Variants in METTL9 observed in about 807,000 individuals in gnomAD.
METTL9 encodes the protein methyltransferase 9, His-X-His N1(pi)-histidine, also known as protein-L-histidine N-pros-methyltransferase.
In METTL9, 10 loss-of-function variants were observed where a neutral mutation model predicts 36.0. The observed-to-expected ratio is 0.28, with a 90% CI of 0.17 to 0.47. The LOEUF (loss-of-function observed/expected upper bound fraction) is 0.47, where lower values mean the gene tolerates loss of function less well. Among genes scored for constraint, METTL9 ranks in the 20% least tolerant of loss-of-function variants. The probability of loss-of-function intolerance (pLI) is 0.99; values close to 1 mark genes in which losing one functional copy is unlikely to be tolerated. For synonymous variants in METTL9, 175 were observed against 149.7 expected (o/e 1.17, Z -1.23); for missense variants, 246 against 383.5 (o/e 0.64, Z 3.00).
At chr16:21,606,425 G>T (rs1216024701) in intron 1 of METTL9, among the ~76,000 whole-genome samples, 2 of 152,076 alleles carry the variant, frequency 1.3e-5, no homozygotes, top group Admixed American at 1.3e-4. Context: ...TGGAAGAGGT[G>T]CATAGGGTGA....
At chr16:21,634,157 C>T (rs929904293) in intron 4 of METTL9, among the ~76,000 whole-genome samples, 9 of 152,100 alleles carry the variant, frequency 5.9e-5, no homozygotes, top group Admixed American at 1.3e-4. Flanking sequence ...CGGATGGTAA[C>T]GGACCTTGAG....
At chr16:21,643,414 C>G (rs1427150209) in intron 4 of METTL9, 1 of 643,234 alleles carries the variant, frequency 1.6e-6, no homozygotes, top group African/African-American at 1.8e-5. Flanking sequence ...GAAATAGTGT[C>G]TGCAGTTGAA....
At position 21,624,941 on chromosome 16, in the gene METTL9, A is replaced by T; in HGVS notation, c.577A>T (p.Ile193Leu). ...TTCTGATTTTTCTAGAGTCCTTGGT[A>T]TAAATGAATGGCAGAATACGGGGTT... The part of the protein sequence containing the change: ...LQKKKYRVLG[I>L]NEWQNTGFQY... The change falls in exon 4 of 5, where the codon ATA (isoleucine) becomes TTA (leucine). Residue 193 changes from isoleucine to leucine, a missense_variant. Physicochemically the swap from Ile to Leu is conservative, Grantham distance 5 (BLOSUM62 2). Around this residue, in one of 2 missense-constraint regions of METTL9, gnomAD observed 146 missense variants for 302.1 expected, o/e 0.48. Coordinates refer to ENST00000358154, the MANE Select transcript of METTL9 (RefSeq NM_016025.5). 1 of 1,614,014 alleles carries T rather than the reference A, an allele frequency of 6.2e-7. No individual in the cohort carries two copies. Among genetic ancestry groups the T allele is most frequent in the East Asian group, 2.2e-5 (1 of 44,886 alleles).
At position 21,617,973 on chromosome 16, in the gene METTL9, A is replaced by G; in HGVS notation, c.465A>G (p.Gly155=). Residue 155 remains glycine, a synonymous_variant, in exon 3 of 5, where the codon GGA becomes GGG. Transcript: ENST00000358154. ...ACAGACTTCTTGATTTAGGTGCTGGAGATGGAGAAGTCACAAAAATCATGA... is the reference window on the plus strand; with the variant it reads ...ACAGACTTCTTGATTTAGGTGCTGGGGATGGAGAAGTCACAAAAATCATGA... The part of the protein sequence containing the change: ...KTHRLLDLGA[G]DGEVTKIMSP... The G allele has an allele frequency of 1.2e-6, 2 of 1,613,752 alleles. No individual in the cohort carries two copies. The highest frequency in any genetic ancestry group is 1.1e-5 in the South Asian group (1 of 90,974).
At chr16:21,610,176 A>T (rs2152893411) in intron 1 of METTL9, among the ~76,000 whole-genome samples, 1 of 152,306 alleles carries the variant, frequency 6.6e-6, no homozygotes, top group Non-Finnish European at 1.5e-5. Flanking sequence ...CCTGGCAGCC[A>T]CAATCTACTA....
intron 4 of METTL9, chr16:21,626,722 G>C (rs3826158): frequency 0.059 from 9,010 of 153,130 alleles, 542 homozygotes; most frequent in East Asian, 0.29. Flanking sequence ...TCTTACTTCA[G>C]TGCTACTCCT....
chr16:21,608,456 G>A (rs559783999), intron 1 of METTL9, among the ~76,000 whole-genome samples: 4 of 152,242 alleles, frequency 2.6e-5, no homozygotes, highest in Non-Finnish European at 5.9e-5. Flanking sequence ...AGTTCTCTGA[G>A]GCCAGCGAGT....
At chr16:21,643,217 T>A in intron 4 of METTL9, 2 of 1,264,368 alleles carry the variant, frequency 1.6e-6, no homozygotes. Flanking sequence ...TAACGACGCA[T>A]CATCAGAACT....
upstream of METTL9, chr16:21,597,247 GCTT>G (rs1267441273): frequency 1.6e-6 from 2 of 1,288,376 alleles, no homozygotes; most frequent in East Asian, 1.1e-4. Flanking sequence ...AGACAGCAAA[GCTT>G]CTTAGATGGA....
At chr16:21,650,272 C>T (rs916251651) in intron 4 of METTL9, among the ~76,000 whole-genome samples, 6 of 152,064 alleles carry the variant, frequency 3.9e-5, no homozygotes, top group East Asian at 3.9e-4. Flanking sequence ...TTTGGGATGC[C>T]GAGGCGGGCA....
upstream of METTL9, chr16:21,597,449 T>C (rs983307036): frequency 4.3e-6 from 2 of 464,766 alleles, no homozygotes; most frequent in Non-Finnish European, 7.3e-6. Flanking sequence ...GAGTGATTTA[T>C]TTTTCTAGGC....
At chr16:21,606,624 A>G (rs1965295419) in intron 1 of METTL9, among the ~76,000 whole-genome samples, 2 of 152,054 alleles carry the variant, frequency 1.3e-5, no homozygotes, top group Admixed American at 1.3e-4. Flanking sequence ...GAAAGTTTGA[A>G]CCTTATACCC....
rs949270934 is a variant in METTL9 at position 21,657,240 on chromosome 16, T to G, written c.*1808T>G. 8.5e-5 allele frequency: 13 copies of G among 152,098 alleles called. No individual in the cohort carries two copies. Among genetic ancestry groups the G allele is most frequent in the Non-Finnish European group, 1.8e-4 (12 of 68,012 alleles). The allele number at this position is 152,098 out of a possible 1,614,324, so 9.4% of individuals were successfully genotyped here. A position where few individuals can be genotyped will look rare whatever the true frequency, so the allele number is the denominator to read the frequency against. ...TGCATTTTAAAGATAAAAAGTAGTT[T>G]CTCAAAAAAATCTGAAGTTCTCTGA... On this transcript the variant is annotated 3_prime_UTR_variant, in exon 5 of 5. Transcript: ENST00000358154.
At chr16:21,644,456 T>C (rs1212963286) in intron 4 of METTL9, 10 of 1,195,102 alleles carry the variant, frequency 8.4e-6, no homozygotes, top group Non-Finnish European at 1.2e-5. Flanking sequence ...TTCAAATACA[T>C]GTGTAAAGTA....
At chr16:21,641,820 C>T (rs1276847460) in intron 4 of METTL9, among the ~76,000 whole-genome samples, 1 of 151,944 alleles carries the variant, frequency 6.6e-6, no homozygotes, top group Non-Finnish European at 1.5e-5. Context: ...AAAATCGTGG[C>T]TGGGAGCTTT....
chr16:21,613,791 C>G (rs1416357861), intron 2 of METTL9, among the ~76,000 whole-genome samples: 1 of 150,836 alleles, frequency 6.6e-6, no homozygotes, highest in African/African-American at 2.4e-5. Context: ...CAGAGTGGTT[C>G]CCTCATATAA....
intron 4 of METTL9, chr16:21,647,491 A>C (rs1966462620): frequency 6.2e-7 from 1 of 1,606,142 alleles, no homozygotes; most frequent in South Asian, 1.1e-5. Context: ...CGCCCACAGC[A>C]CCTGTGGGAG....
chr16:21,617,871 A>G lies in METTL9; in HGVS notation c.363A>G (p.Leu121=), dbSNP rs1351509014. The change falls in exon 3 of 5, where the codon CTA becomes CTG. Residue 121 remains leucine (L), a synonymous_variant. Transcript: ENST00000358154. ...FMSRTSINGL[L]GRGSMFVFSP... ...TGTCCTTTTTTTCTTTCAGGTTGCT[A>G]GGAAGAGGCTCAATGTTTGTGTTTT... The G allele has an allele frequency of 1.9e-6, 3 of 1,613,886 alleles. No individual in the cohort carries two copies. The highest frequency in any genetic ancestry group is 4.5e-5 in the East Asian group (2 of 44,850).
chr16:21,621,211 T>C (rs1038539343), intron 3 of METTL9, among the ~76,000 whole-genome samples: 1 of 151,954 alleles, frequency 6.6e-6, no homozygotes, highest in Non-Finnish European at 1.5e-5. Context: ...AGGAGTTTCA[T>C]TATGTTGACC....
Sources: gnomAD v4.1 joint callset for allele counts (sites outside exome capture counted in the v4.1 genomes callset) on GRCh38, gnomAD v4.1.1 for gene constraint, gnomAD v4.1.1 regional missense constraint, MANE v1.5 for transcripts, NCBI Gene and HGNC (gene_info 2026-07-23, HGNC 2026-07-21) for gene names.